The following WWOX variants were observed in gnomAD, a reference collection of about 807,000 sequenced individuals.
WWOX encodes the protein WW domain-containing oxidoreductase.
Under a neutral mutation model 46.2 loss-of-function variants are expected in WWOX, and 69 were observed. That is an observed-to-expected ratio of 1.49 (90% CI 1.23 to 1.82). WWOX has a LOEUF of 1.82. Among genes scored for constraint, WWOX ranks in the 40% most tolerant of loss-of-function variants. The probability of loss-of-function intolerance (pLI) is 0.00; values close to 1 mark genes in which losing one functional copy is unlikely to be tolerated. For synonymous variants in WWOX, 359 were observed against 202.6 expected (o/e 1.77, Z -6.56); for missense variants, 919 against 542.6 (o/e 1.69, Z -6.89).
chr16:78,450,675 G>T lies in WWOX; in HGVS notation c.1056+17923G>T, dbSNP rs949462182. On this transcript the variant is annotated intron_variant, in intron 8 of 8. Coordinates refer to ENST00000566780, the MANE Select transcript of WWOX (RefSeq NM_016373.4). ...GGTGAGTGCAATAAGTCTGTTTTTT[G>T]ATCTTAGAACATAACATTTCTTGTT... Among the ~76,000 whole-genome samples the T allele has an allele frequency of 3.9e-5, 6 of 151,914 alleles. No homozygotes were observed. In the East Asian group the frequency reaches 1.2e-3, roughly 29 times the overall value.
intron 8 of WWOX, among the ~76,000 whole-genome samples, chr16:78,926,523 G>A (rs755376105): frequency 3.3e-5 from 5 of 152,156 alleles, no homozygotes; most frequent in Admixed American, 6.5e-5. Context: ...TGGCGAAGTC[G>A]CAGCCATTTA....
chr16:78,598,818 G>T (rs193199370), intron 8 of WWOX, among the ~76,000 whole-genome samples: 2 of 152,206 alleles, frequency 1.3e-5, no homozygotes, highest in African/African-American at 2.4e-5. Context: ...ACCTTATCTG[G>T]CCTCTTCATT....
In WWOX at chr16:78,781,527, G is replaced by A. The variant is rs78311567; in HGVS notation, c.1056+348775G>A. On this transcript the variant is annotated intron_variant, in intron 8 of 8. Coordinates refer to ENST00000566780, the MANE Select transcript of WWOX (RefSeq NM_016373.4). The stretch of plus-strand genomic sequence containing the variant: ...TAGACATTATGACCCTTTAATGGGC[G>A]ATGGGTTAATACCTGTTGCTTTTGT... 3.3e-3 allele frequency among the ~76,000 whole-genome samples: 508 copies of A among 152,292 alleles called. 5 individuals are homozygous for A. Among genetic ancestry groups the A allele is most frequent in the African/African-American group, 0.012 (488 of 41,556 alleles).
chr16:79,104,870 C>T (rs546011109), intron 8 of WWOX, among the ~76,000 whole-genome samples: 42 of 152,278 alleles, frequency 2.8e-4, no homozygotes, highest in African/African-American at 1.0e-3. Context: ...GTCCAAACCT[C>T]GACAGACAGC....
chr16:78,402,017 C>G (rs1238685857), intron 6 of WWOX, among the ~76,000 whole-genome samples: 1 of 152,160 alleles, frequency 6.6e-6, no homozygotes, highest in Non-Finnish European at 1.5e-5. Context: ...TTATTTTAAG[C>G]TGTACAATTG....
At chr16:78,637,959 A>T (rs997653223) in intron 8 of WWOX, among the ~76,000 whole-genome samples, 4 of 152,050 alleles carry the variant, frequency 2.6e-5, no homozygotes, top group African/African-American at 9.7e-5. Context: ...GGTTTCTTCT[A>T]CCAGGTAGAC....
chr16:78,364,112 C>G (rs975873543), intron 5 of WWOX, among the ~76,000 whole-genome samples: 4 of 152,206 alleles, frequency 2.6e-5, no homozygotes, highest in Admixed American at 1.3e-4. Flanking sequence ...CCTTCCTGGC[C>G]TGTGGATGTC....
chr16:79,027,583 C>G (rs758197196), intron 8 of WWOX, among the ~76,000 whole-genome samples: 3 of 151,820 alleles, frequency 2.0e-5, no homozygotes, highest in Admixed American at 6.5e-5. Context: ...ATTTGGACCT[C>G]TGACCTGAAT....
intron 8 of WWOX, among the ~76,000 whole-genome samples, chr16:78,555,192 T>A (rs1474600854): frequency 8.0e-6 from 1 of 125,112 alleles, no homozygotes; most frequent in Non-Finnish European, 1.8e-5. Flanking sequence ...AAAAAAAAAT[T>A]CTAGTTTCTC....
intron 8 of WWOX, among the ~76,000 whole-genome samples, chr16:79,044,484 C>T (rs1441225790): frequency 2.6e-5 from 4 of 152,040 alleles, no homozygotes; most frequent in Non-Finnish European, 5.9e-5. Context: ...GTGGCACAGC[C>T]CCCCACCCTG....
At chr16:78,172,272 C>G (rs1339765371) in intron 5 of WWOX, among the ~76,000 whole-genome samples, 1 of 152,186 alleles carries the variant, frequency 6.6e-6, no homozygotes, top group Non-Finnish European at 1.5e-5. Context: ...GCCAAGGAAG[C>G]TCTTTCCTTC....
At chr16:78,557,458 A>C (rs976963046) in intron 8 of WWOX, among the ~76,000 whole-genome samples, 1 of 152,124 alleles carries the variant, frequency 6.6e-6, no homozygotes, top group African/African-American at 2.4e-5. Flanking sequence ...GATACATCCA[A>C]AAACAAGCAG....
intron 8 of WWOX, among the ~76,000 whole-genome samples, chr16:78,508,303 G>A (rs1195207447): frequency 7.7e-5 from 10 of 129,918 alleles, no homozygotes; most frequent in Admixed American, 4.7e-4. Context: ...GAGCCACTGC[G>A]CCCGGCCTTT....
At position 78,543,259 on chromosome 16, in the gene WWOX, C is replaced by T. The variant is rs564288302; in HGVS notation, c.1056+110507C>T. On this transcript the variant is annotated intron_variant, in intron 8 of 8. Transcript: ENST00000566780. ...TTAAATGGTTTGGTCTGAAGTGTCACGAGTCGTTTCCTCTTGGCTGCCTAC... is the reference window on the plus strand; with the variant it reads ...TTAAATGGTTTGGTCTGAAGTGTCATGAGTCGTTTCCTCTTGGCTGCCTAC... Among the ~76,000 whole-genome samples the T allele has an allele frequency of 2.6e-5, 4 of 152,282 alleles. No homozygotes were observed. In the East Asian group the frequency reaches 5.8e-4, roughly 22 times the overall value.
At chr16:78,935,667 A>G (rs971190361) in intron 8 of WWOX, among the ~76,000 whole-genome samples, 2 of 152,010 alleles carry the variant, frequency 1.3e-5, no homozygotes, top group Admixed American at 6.6e-5. Flanking sequence ...ATGACGAGTT[A>G]ATGGGTGCAG....
intron 8 of WWOX, among the ~76,000 whole-genome samples, chr16:78,918,465 C>A (rs182058663): frequency 6.6e-6 from 1 of 151,908 alleles, no homozygotes; most frequent in Non-Finnish European, 1.5e-5. Flanking sequence ...CTTGGTTGTT[C>A]TCGGTTTCAG....
intron 6 of WWOX, among the ~76,000 whole-genome samples, chr16:78,390,458 AG>A (rs1213667920): frequency 5.9e-5 from 9 of 152,340 alleles, no homozygotes; most frequent in Non-Finnish European, 1.0e-4. Flanking sequence ...AAGTACTTCT[AG>A]GTTGAGAAAC....
At chr16:78,914,520 C>T (rs1028060997) in intron 8 of WWOX, among the ~76,000 whole-genome samples, 1 of 152,044 alleles carries the variant, frequency 6.6e-6, no homozygotes, top group East Asian at 1.9e-4. Context: ...GGAATTGATG[C>T]TTTGTGGAAT....
chr16:78,736,744 C>T lies in WWOX; in HGVS notation c.1056+303992C>T, dbSNP rs117086410. On this transcript the variant is annotated intron_variant, in intron 8 of 8. Coordinates refer to ENST00000566780, the MANE Select transcript of WWOX (RefSeq NM_016373.4). ...TCCTGAGTAGGGAGGGCACTACAGG[C>T]GCATGCCTCCACATCTGACTAATTA... is the stretch of plus-strand genomic sequence containing the variant. Among the ~76,000 whole-genome samples, 817 of 152,120 alleles carry T rather than the reference C, an allele frequency of 5.4e-3. 3 individuals carry two copies. The highest frequency in any genetic ancestry group is 7.2e-3 in the Non-Finnish European group (489 of 67,998).
Sources: gnomAD v4.1 joint callset for allele counts (sites outside exome capture counted in the v4.1 genomes callset) on GRCh38, gnomAD v4.1.1 for gene constraint, MANE v1.5 for transcripts, NCBI Gene and HGNC (gene_info 2026-07-23, HGNC 2026-07-21) for gene names.